Variants in PSD3 observed in about 807,000 individuals in gnomAD.
PSD3 encodes pleckstrin and Sec7 domain containing 3.
Under a neutral mutation model 105.5 loss-of-function variants are expected in PSD3, and 49 were observed. That is an observed-to-expected ratio of 0.46 (90% CI 0.37 to 0.59). PSD3 has a LOEUF of 0.59. Ranked by LOEUF, PSD3 falls within the 20% of genes least tolerant of loss-of-function variation. The probability of loss-of-function intolerance (pLI) is 0.00; values close to 1 mark genes in which losing one functional copy is unlikely to be tolerated. For synonymous variants in PSD3, 557 were observed against 457.8 expected, an observed-to-expected ratio of 1.22 and a Z score of -2.77; for missense variants, 1,561 against 1,263.8, an observed-to-expected ratio of 1.24 and a Z score of -3.57.
intron 1 of PSD3, among the ~76,000 whole-genome samples, chr8:19,067,996 A>G (rs1829132615): frequency 6.6e-6 from 1 of 152,226 alleles, no homozygotes; most frequent in South Asian, 2.1e-4. Flanking sequence ...TTTCTGATCA[A>G]GATGTGGAAG....
chr8:18,976,494 C>T (rs1265799100), intron 1 of PSD3, among the ~76,000 whole-genome samples: 1 of 152,146 alleles, frequency 6.6e-6, no homozygotes, highest in African/African-American at 2.4e-5. Context: ...CTCTGACCCC[C>T]TTGAAGCTGG....
At chr8:18,969,432 A>T (rs938297695) in intron 1 of PSD3, among the ~76,000 whole-genome samples, 3 of 152,234 alleles carry the variant, frequency 2.0e-5, no homozygotes, top group Admixed American at 2.0e-4. Context: ...ATTTGTGTTA[A>T]TAACCAGAAA....
At chr8:18,709,021 G>A (rs1802074102) in intron 9 of PSD3, among the ~76,000 whole-genome samples, 1 of 152,128 alleles carries the variant, frequency 6.6e-6, no homozygotes. Context: ...AGGGCCTTGG[G>A]TCCCATGCAC....
intron 4 of PSD3, among the ~76,000 whole-genome samples, chr8:18,830,806 A>C (rs1563322740): frequency 6.6e-6 from 1 of 152,178 alleles, no homozygotes; most frequent in Non-Finnish European, 1.5e-5. Flanking sequence ...AGGGTTCTCT[A>C]ATCACAGACT....
intron 9 of PSD3, among the ~76,000 whole-genome samples, chr8:18,677,726 T>A (rs1229891804): frequency 6.6e-6 from 1 of 152,148 alleles, no homozygotes. Context: ...CATTAGAACA[T>A]GTTGACTGGG....
At chr8:18,658,758 C>G (rs1809088213) in intron 9 of PSD3, among the ~76,000 whole-genome samples, 1 of 151,982 alleles carries the variant, frequency 6.6e-6, no homozygotes, top group South Asian at 2.1e-4. Flanking sequence ...TGTCAAATAC[C>G]TAAACACTAC....
chr8:18,703,304 C>A (rs1012250476), intron 9 of PSD3, among the ~76,000 whole-genome samples: 1 of 152,120 alleles, frequency 6.6e-6, no homozygotes, highest in Non-Finnish European at 1.5e-5. Flanking sequence ...AATGAGCCTG[C>A]CACTGATGAA....
At chr8:18,650,132 T>A (rs764673120) in intron 10 of PSD3, among the ~76,000 whole-genome samples, 7 of 152,218 alleles carry the variant, frequency 4.6e-5, no homozygotes, top group Non-Finnish European at 1.0e-4. Context: ...GAGAGGAACA[T>A]TAATTTTCCT....
chr8:18,658,637 C>A (rs930205751), intron 9 of PSD3, among the ~76,000 whole-genome samples: 2 of 151,466 alleles, frequency 1.3e-5, no homozygotes, highest in African/African-American at 4.9e-5. Flanking sequence ...ATCCTCTTGC[C>A]TTAGCCTTCT....
chr8:18,750,714 G>A (rs1437826768), intron 9 of PSD3, among the ~76,000 whole-genome samples: 2 of 151,990 alleles, frequency 1.3e-5, no homozygotes, highest in East Asian at 3.9e-4. Flanking sequence ...CAATCCCGGA[G>A]CTAGATACAA....
At chr8:18,542,800 C>T (rs923124053) in intron 15 of PSD3, among the ~76,000 whole-genome samples, 1 of 152,138 alleles carries the variant, frequency 6.6e-6, no homozygotes, top group Non-Finnish European at 1.5e-5. Context: ...ATGTGTCTTT[C>T]ATTTACAAGG....
intron 15 of PSD3, among the ~76,000 whole-genome samples, chr8:18,552,495 C>T (rs1800826879): frequency 2.0e-5 from 3 of 152,120 alleles, no homozygotes; most frequent in African/African-American, 7.2e-5. Flanking sequence ...CTTAAGGGGC[C>T]CAGGTGTTTT....
chr8:18,994,805 A>G (rs1825987425), intron 1 of PSD3, among the ~76,000 whole-genome samples: 1 of 151,884 alleles, frequency 6.6e-6, no homozygotes, highest in Admixed American at 6.6e-5. Context: ...AGATCCTAAA[A>G]AGTATGCCTC....
At position 18,860,218 on chromosome 8, in the gene PSD3, T is replaced by C. The variant is rs75616915; in HGVS notation, c.1634+7456A>G. ...GAGCAATCGGAACACACAAAACTTA[T>C]TGATAAGGTTTGCCACGTTATATGG... On this transcript the variant is annotated intron_variant, in intron 4 of 15. Transcript: ENST00000327040. Among the ~76,000 whole-genome samples the C allele has an allele frequency of 1.4e-3, 210 of 152,238 alleles. 1 individual carries two copies. The highest frequency in any genetic ancestry group is 4.5e-3 in the African/African-American group (186 of 41,544).
At chr8:18,987,487 CTGTG>C (rs1302949652) in intron 1 of PSD3, among the ~76,000 whole-genome samples, 1 of 151,512 alleles carries the variant, frequency 6.6e-6, no homozygotes, top group Non-Finnish European at 1.5e-5. Context: ...TGGGGTTTCA[CTGTG>C]TTAGCCAAGA....
chr8:18,943,121 G>T (rs1822655638), intron 1 of PSD3, among the ~76,000 whole-genome samples: 1 of 152,176 alleles, frequency 6.6e-6, no homozygotes, highest in Non-Finnish European at 1.5e-5. Context: ...AGCTGCCTGG[G>T]TATAGAGACA....
At chr8:18,584,738 C>G (rs1002253261) in intron 12 of PSD3, among the ~76,000 whole-genome samples, 1 of 152,126 alleles carries the variant, frequency 6.6e-6, no homozygotes, top group Non-Finnish European at 1.5e-5. Flanking sequence ...CTCTGCAGGG[C>G]TATGTGGGCT....
chr8:18,796,360 T>C (rs547412360), intron 8 of PSD3, among the ~76,000 whole-genome samples: 2 of 152,288 alleles, frequency 1.3e-5, no homozygotes, highest in Admixed American at 1.3e-4. Context: ...AGAGGATTAT[T>C]TGGCTTCCAT....
intron 12 of PSD3, among the ~76,000 whole-genome samples, chr8:18,590,652 A>C (rs1439066298): frequency 1.3e-5 from 2 of 151,506 alleles, no homozygotes; most frequent in Admixed American, 1.3e-4. Flanking sequence ...AGATATGTGC[A>C]TGTGTGTGTG....
Sources: allele counts gnomAD v4.1 joint callset (sites outside exome capture counted in the v4.1 genomes callset), GRCh38; gene constraint gnomAD v4.1.1; transcripts MANE v1.5; gene names NCBI Gene and HGNC (gene_info 2026-07-23, HGNC 2026-07-21).